TBC1D32: variants seen among roughly 807,000 people sequenced by gnomAD.
TBC1D32 encodes the protein protein broad-minded.
TBC1D32 carries 151 observed loss-of-function variants against 170.3 expected under a neutral mutation model. That is an observed-to-expected ratio of 0.89 (90% CI 0.78 to 1.01). The LOEUF is 1.01. Ranked by LOEUF, TBC1D32 falls within the 50% of genes least tolerant of loss-of-function variation. TBC1D32 has a pLI of 0.00. For synonymous variants in TBC1D32, 498 were observed against 488.0 expected (o/e 1.02, Z -0.27); for missense variants, 1,464 against 1,457.1 (o/e 1.00, Z -0.08).
intron 4 of TBC1D32, among the ~76,000 whole-genome samples, chr6:121,309,228 C>A (rs1010331205): frequency 2.6e-5 from 4 of 152,100 alleles, no homozygotes; most frequent in Admixed American, 1.3e-4. Flanking sequence ...TTTTCCATTT[C>A]AGGAAATTTT....
chr6:121,084,742 C>G (rs912622291), intron 31 of TBC1D32, among the ~76,000 whole-genome samples: 1 of 151,990 alleles, frequency 6.6e-6, no homozygotes, highest in African/African-American at 2.4e-5. Context: ...AGCTTAAAAT[C>G]TGAATTGAAG....
intron 12 of TBC1D32, among the ~76,000 whole-genome samples, chr6:121,286,536 T>A (rs1803869766): frequency 1.3e-5 from 2 of 152,090 alleles, no homozygotes; most frequent in South Asian, 4.1e-4. Flanking sequence ...TTGGTGTACC[T>A]GAAAGTGATG....
chr6:121,334,231 C>A (rs1166388142), intron 1 of TBC1D32, 45 bp downstream of exon 1: 45 of 1,561,654 alleles, frequency 2.9e-5, no homozygotes, highest in Non-Finnish European at 4.0e-5. Context: ...TGGACCCTCT[C>A]TGGATCGATG....
chr6:121,238,825 C>T (rs1450256479), intron 20 of TBC1D32, among the ~76,000 whole-genome samples: 1 of 151,698 alleles, frequency 6.6e-6, no homozygotes, highest in Non-Finnish European at 1.5e-5. Context: ...GGGAGAAAAA[C>T]TTTAATAGAC....
intron 21 of TBC1D32, among the ~76,000 whole-genome samples, chr6:121,206,044 T>C (rs1007626332): frequency 1.3e-5 from 2 of 152,084 alleles, no homozygotes; most frequent in East Asian, 3.9e-4. Flanking sequence ...ACACCGTCTC[T>C]AGTAAAAATA....
At chr6:121,289,366 C>G (rs565988879) in intron 12 of TBC1D32, among the ~76,000 whole-genome samples, 1 of 152,240 alleles carries the variant, frequency 6.6e-6, no homozygotes, top group East Asian at 1.9e-4. Context: ...CAATAACAGA[C>G]AAACAGCCAA....
chr6:121,321,460 AT>A (rs1411820980), intron 2 of TBC1D32, among the ~76,000 whole-genome samples, 172 bp downstream of exon 2: 3 of 152,164 alleles, frequency 2.0e-5, no homozygotes, highest in African/African-American at 7.2e-5. Flanking sequence ...TCAAAAGGAG[AT>A]GCGAAGCCTT....
chr6:121,115,032 A>G, intron 27 of TBC1D32, 140 bp downstream of exon 27: 1 of 537,066 alleles, frequency 1.9e-6, no homozygotes, highest in South Asian at 5.5e-5. Flanking sequence ...CCTCAAAAAC[A>G]AAGTCATTTT....
At chr6:121,270,550 G>C (rs1375556955) in intron 15 of TBC1D32, among the ~76,000 whole-genome samples, 1 of 152,090 alleles carries the variant, frequency 6.6e-6, no homozygotes, top group Non-Finnish European at 1.5e-5. Context: ...ACCCTCCCAA[G>C]ACTAAACCAA....
intron 13 of TBC1D32, 47 bp from the exon 14 acceptor site, chr6:121,281,733 G>T: frequency 7.0e-7 from 1 of 1,437,988 alleles, no homozygotes; most frequent in South Asian, 1.4e-5. Context: ...TAAATACTTA[G>T]AACTATTTTA....
At chr6:121,271,670 T>C (rs539598279) in intron 15 of TBC1D32, among the ~76,000 whole-genome samples, 1 of 152,248 alleles carries the variant, frequency 6.6e-6, no homozygotes, top group South Asian at 2.1e-4. Flanking sequence ...ATCAATATCA[T>C]GAAAATGGCC....
intron 15 of TBC1D32, among the ~76,000 whole-genome samples, chr6:121,258,008 C>A (rs1218110192): frequency 1.3e-5 from 2 of 151,964 alleles, no homozygotes; most frequent in Non-Finnish European, 2.9e-5. Context: ...TGCTACCATT[C>A]CAGTGATAGT....
At chr6:121,328,277 TTTTA>T (rs929188637) in intron 1 of TBC1D32, among the ~76,000 whole-genome samples, 10 of 151,700 alleles carry the variant, frequency 6.6e-5, no homozygotes, top group African/African-American at 2.2e-4. Context: ...GTTTTTTATT[TTTTA>T]TTTATTTATT....
rs1413334928 is a variant in TBC1D32, at chr6:121,242,187, A to G, written c.2157+14T>C. 2 of 1,607,320 alleles carry G rather than the reference A, an allele frequency of 1.2e-6. No homozygotes were observed. The highest frequency in any genetic ancestry group is 2.7e-5 in the African/African-American group (2 of 74,668). ...CAAAAATTCCCTTTGCCTTTGGCAG[A>G]TGGTAATTCATACCTGTAATTTTTT... On this transcript the variant is annotated intron_variant, in intron 18 of 31. Transcript: ENST00000398212.
At chr6:121,118,977 G>A (rs964565317) in intron 26 of TBC1D32, among the ~76,000 whole-genome samples, 5 of 152,192 alleles carry the variant, frequency 3.3e-5, no homozygotes, top group Admixed American at 6.5e-5. Flanking sequence ...CCCCTGCCTG[G>A]AAGACTTTTC....
At chr6:121,284,271 T>G (rs1181188295) in intron 12 of TBC1D32, among the ~76,000 whole-genome samples, 1 of 152,076 alleles carries the variant, frequency 6.6e-6, no homozygotes, top group Non-Finnish European at 1.5e-5. Flanking sequence ...AGCTAACTTA[T>G]CTACACAAAA....
chr6:121,288,866 C>T (rs1433941724), intron 12 of TBC1D32, among the ~76,000 whole-genome samples: 7 of 152,044 alleles, frequency 4.6e-5, no homozygotes, highest in East Asian at 3.9e-4. Context: ...AATCAATAAA[C>T]GTAATCCAGC....
intron 29 of TBC1D32, among the ~76,000 whole-genome samples, chr6:121,109,055 C>T (rs1280350083): frequency 6.6e-6 from 1 of 152,042 alleles, no homozygotes; most frequent in Non-Finnish European, 1.5e-5. Flanking sequence ...CTTATAGTCA[C>T]ATATAAGAAA....
intron 15 of TBC1D32, among the ~76,000 whole-genome samples, chr6:121,257,492 T>C (rs1227648090): frequency 6.6e-6 from 1 of 152,186 alleles, no homozygotes; most frequent in Non-Finnish European, 1.5e-5. Flanking sequence ...TTTCTGATTA[T>C]AGCATTTAGT....
Sources: gnomAD v4.1 joint callset for allele counts (sites outside exome capture counted in the v4.1 genomes callset) on GRCh38, gnomAD v4.1.1 for gene constraint, MANE v1.5 for transcripts, NCBI Gene and HGNC (gene_info 2026-07-23, HGNC 2026-07-21) for gene names.